The following RALYL variants were observed in gnomAD, a reference collection of about 807,000 sequenced individuals.
RALYL encodes the protein RALY RNA binding protein like.
A neutral mutation model predicts 35.1 loss-of-function variants in RALYL; 29 were observed. The ratio of observed to expected loss-of-function variants is 0.83; its 90% CI spans 0.61 to 1.13. The LOEUF (loss-of-function observed/expected upper bound fraction) is 1.13, where lower values mean the gene tolerates loss of function less well. Among genes scored for constraint, RALYL ranks in the 50% most tolerant of loss-of-function variants. The pLI is 0.00. For missense variants in RALYL, 359 were observed against 360.4 expected (o/e 1.00, Z 0.03); for synonymous variants, 120 against 127.6 (o/e 0.94, Z 0.40).
rs977027264 is a variant in RALYL, at chr8:84,637,802, G to T, written c.256+108225G>T. ...ATTTTGCAGCTGGGTCTCCATGCAT[G>T]GTCTGTTTCAAGGTTATCCCCTGGA... On this transcript the variant is annotated intron_variant, in intron 2 of 8. Transcript: ENST00000521268. 2.6e-5 allele frequency among the ~76,000 whole-genome samples: 4 copies of T among 151,752 alleles called. No homozygotes were observed. In the East Asian group the frequency reaches 7.8e-4, roughly 30 times the overall value.
chr8:84,585,960 G>A (rs192553334), intron 2 of RALYL, among the ~76,000 whole-genome samples: 5 of 152,062 alleles, frequency 3.3e-5, no homozygotes, highest in Non-Finnish European at 7.4e-5. Context: ...ACTTTGGGAG[G>A]CCGAGGCAGG....
intron 2 of RALYL, among the ~76,000 whole-genome samples, chr8:84,748,706 C>A (rs1165860227): frequency 6.6e-6 from 1 of 152,026 alleles, no homozygotes; most frequent in Admixed American, 6.6e-5. Context: ...TTGACCAGAA[C>A]CTTGGAATCT....
intron 2 of RALYL, among the ~76,000 whole-genome samples, chr8:84,767,842 G>A (rs747972962): frequency 1.3e-5 from 2 of 152,170 alleles, no homozygotes; most frequent in Non-Finnish European, 2.9e-5. Context: ...TAACAACGTG[G>A]ACCAGCCTGG....
intron 2 of RALYL, among the ~76,000 whole-genome samples, chr8:84,696,630 T>G (rs1010986137): frequency 2.0e-5 from 3 of 151,976 alleles, no homozygotes; most frequent in African/African-American, 7.2e-5. Context: ...TAATACAAGA[T>G]TTTGTGTTTG....
intron 1 of RALYL, among the ~76,000 whole-genome samples, chr8:84,433,112 CTT>C (rs1563922259): frequency 6.6e-6 from 1 of 152,030 alleles, no homozygotes; most frequent in Non-Finnish European, 1.5e-5. Flanking sequence ...TTATGGGAAA[CTT>C]TTAAAAACAT....
chr8:84,563,747 A>G (rs2061606426), intron 2 of RALYL, among the ~76,000 whole-genome samples: 1 of 151,752 alleles, frequency 6.6e-6, no homozygotes, highest in Admixed American at 6.6e-5. Context: ...GTTTTATGAT[A>G]TTATGATTCT....
intron 2 of RALYL, among the ~76,000 whole-genome samples, chr8:84,597,953 C>T (rs190860843): frequency 4.3e-4 from 66 of 152,198 alleles, no homozygotes; most frequent in African/African-American, 1.4e-3. Context: ...CATCATTTCT[C>T]GAATCAAAAT....
At chr8:84,425,275 T>C (rs1384631193) in intron 1 of RALYL, among the ~76,000 whole-genome samples, 2 of 152,256 alleles carry the variant, frequency 1.3e-5, no homozygotes, top group East Asian at 3.9e-4. Context: ...TAAGCCGGTC[T>C]GAAAAGCGCA....
chr8:84,885,580 A>G (rs1842816082), intron 7 of RALYL, among the ~76,000 whole-genome samples: 1 of 152,164 alleles, frequency 6.6e-6, no homozygotes, highest in African/African-American at 2.4e-5. Context: ...AAATGGAGAA[A>G]TTTGAACCTA....
At chr8:84,400,815 T>G (rs1487872875) in intron 1 of RALYL, among the ~76,000 whole-genome samples, 2 of 152,188 alleles carry the variant, frequency 1.3e-5, no homozygotes, top group African/African-American at 4.8e-5. Context: ...AGGTAAGAGA[T>G]TTTCATGTTC....
intron 1 of RALYL, among the ~76,000 whole-genome samples, chr8:84,299,881 G>T (rs776782981): frequency 6.6e-6 from 1 of 151,698 alleles, no homozygotes. Flanking sequence ...ACTAGCTGTC[G>T]ATCACATTTA....
At chr8:84,398,800 C>T (rs1365057430) in intron 1 of RALYL, among the ~76,000 whole-genome samples, 2 of 151,870 alleles carry the variant, frequency 1.3e-5, no homozygotes, top group East Asian at 3.9e-4. Flanking sequence ...ATGGTGAAAC[C>T]CCATCTCTAC....
intron 1 of RALYL, among the ~76,000 whole-genome samples, chr8:84,290,846 A>T (rs935159781): frequency 6.6e-6 from 1 of 152,148 alleles, no homozygotes; most frequent in Non-Finnish European, 1.5e-5. Context: ...ACAACCATAA[A>T]TCATTGGAGA....
intron 1 of RALYL, among the ~76,000 whole-genome samples, chr8:84,204,145 G>T (rs1019260453): frequency 6.6e-6 from 1 of 151,668 alleles, no homozygotes; most frequent in Non-Finnish European, 1.5e-5. Context: ...TAAGAATTCT[G>T]AATAAGAACA....
intron 1 of RALYL, among the ~76,000 whole-genome samples, chr8:84,418,210 T>C (rs939054736): frequency 7.2e-5 from 11 of 152,174 alleles, no homozygotes; most frequent in African/African-American, 2.7e-4. Flanking sequence ...TGGGTTTTAA[T>C]TGTGACTCTG....
chr8:84,213,162 G>A (rs1306955597), intron 1 of RALYL, among the ~76,000 whole-genome samples: 16 of 152,148 alleles, frequency 1.1e-4, no homozygotes, highest in South Asian at 2.1e-4. Flanking sequence ...AGGCCGAGGC[G>A]GGCGGGTCAC....
At chr8:84,653,689 C>CCTGACATACCTCCATAAAACAGACCTT (rs1366670847) in intron 2 of RALYL, among the ~76,000 whole-genome samples, 1 of 151,650 alleles carries the variant, frequency 6.6e-6, no homozygotes, top group Non-Finnish European at 1.5e-5. Flanking sequence ...AAACATACCT[C>CCTGACATACCTCCATAAAACAGACCTT]CTGACATACC....
intron 2 of RALYL, among the ~76,000 whole-genome samples, chr8:84,637,116 C>T (rs1199579011): frequency 2.0e-5 from 3 of 151,810 alleles, no homozygotes; most frequent in Non-Finnish European, 4.4e-5. Flanking sequence ...GGTTCTTATC[C>T]TTAATGTTCC....
At position 84,666,862 on chromosome 8, in the gene RALYL, G is replaced by A. The variant is rs149477814; in HGVS notation, c.257-107717G>A. 3.9e-3 allele frequency among the ~76,000 whole-genome samples: 600 copies of A among 152,170 alleles called. 6 individuals are homozygous for A. The highest frequency in any genetic ancestry group is 0.013 in the African/African-American group (549 of 41,558). On this transcript the variant is annotated intron_variant, in intron 2 of 8. Coordinates refer to ENST00000521268, the MANE Select transcript of RALYL (RefSeq NM_173848.7). The stretch of plus-strand genomic sequence containing the variant: ...CATGTATTTATTCTGCAAACATTCA[G>A]TGAGCACCTATTATGAGCTGTGTGC...
Sources: gnomAD v4.1 joint callset for allele counts (sites outside exome capture counted in the v4.1 genomes callset) on GRCh38, gnomAD v4.1.1 for gene constraint, MANE v1.5 for transcripts, NCBI Gene and HGNC (gene_info 2026-07-23, HGNC 2026-07-21) for gene names.